Variants in TP63 observed in about 807,000 individuals in gnomAD.
TP63 encodes the protein tumor protein 63.
In TP63, 17 loss-of-function variants were observed where a neutral mutation model predicts 82.8. The observed-to-expected ratio is 0.21, with a 90% confidence interval of 0.14 to 0.31. TP63 has a LOEUF of 0.31. TP63 is among the 10% of genes least tolerant of loss of function. TP63 has a pLI of 1.00. For synonymous variants in TP63, 330 were observed against 321.7 expected, an observed-to-expected ratio of 1.03 and a Z score of -0.28; for missense variants, 648 against 895.3, an observed-to-expected ratio of 0.72 and a Z score of 3.52.
chr3:189,894,707 A>C lies in TP63; in HGVS notation c.*205A>C. 1.6e-6 allele frequency: 1 copy of C among 643,064 alleles called. No individual in the cohort carries two copies. Among genetic ancestry groups the C allele is most frequent in the Non-Finnish European group, 2.6e-6 (1 of 380,218 alleles). 39.8% of individuals were successfully genotyped at this position (643,064 alleles called of 1,614,324 possible). A position where few individuals can be genotyped will look rare whatever the true frequency, so the allele number is the denominator to read the frequency against. On this transcript the variant is annotated 3_prime_UTR_variant, in exon 14 of 14. Coordinates refer to ENST00000264731, the MANE Select transcript of TP63 (RefSeq NM_003722.5). ...TCTGGCTTTAAGCCTTCAAAACTAT[A>C]GCTTGCAGAACTGTAGCTGCCATGG...
intron 1 of TP63, among the ~76,000 whole-genome samples, chr3:189,678,984 A>G (rs1167205718): frequency 6.6e-6 from 1 of 151,984 alleles, no homozygotes; most frequent in Non-Finnish European, 1.5e-5. Context: ...AAAGACCCCA[A>G]ATTTACTGAA....
At chr3:189,717,931 C>T (rs1577295592) in intron 1 of TP63, among the ~76,000 whole-genome samples, 2 of 152,224 alleles carry the variant, frequency 1.3e-5, no homozygotes, top group African/African-American at 2.4e-5. Flanking sequence ...AATGAGAAAC[C>T]TTGCTATATA....
chr3:189,788,833 C>T (rs991645486), intron 3 of TP63, among the ~76,000 whole-genome samples: 5 of 151,130 alleles, frequency 3.3e-5, no homozygotes, highest in Non-Finnish European at 5.9e-5. Context: ...AGATGCATCA[C>T]GTGCAGTAAT....
In TP63 at chr3:189,870,537, G is replaced by C. The variant is rs1275905138; in HGVS notation, c.1212+1131G>C. 2.6e-5 allele frequency among the ~76,000 whole-genome samples: 4 copies of C among 152,214 alleles called. No homozygotes were observed. In the South Asian group the frequency reaches 6.2e-4, roughly 24 times the overall value. On this transcript the variant is annotated intron_variant, in intron 9 of 13. Coordinates refer to ENST00000264731, the MANE Select transcript of TP63 (RefSeq NM_003722.5). ...ATTTTAGTATCCATGGGGGCCAGATGGGGGTGGGTAGTCCTGGAATCAATG... is the reference window on the plus strand; with the variant it reads ...ATTTTAGTATCCATGGGGGCCAGATCGGGGTGGGTAGTCCTGGAATCAATG...
At chr3:189,617,266 A>T in the TP63 span, among the ~76,000 whole-genome samples, 1 of 152,248 alleles carries the variant, frequency 6.6e-6, no homozygotes, top group African/African-American at 2.4e-5. Flanking sequence ...TTGACCAAGC[A>T]GCCCAGTTAT....
At chr3:189,892,954 G>A (rs1441990644) in intron 13 of TP63, among the ~76,000 whole-genome samples, 2 of 152,030 alleles carry the variant, frequency 1.3e-5, no homozygotes, top group Non-Finnish European at 2.9e-5. Context: ...GAGAAATGTT[G>A]GGAAGCTGTG....
At chr3:189,789,779 A>G in intron 3 of TP63, 2 of 1,589,130 alleles carry the variant, frequency 1.3e-6, no homozygotes, top group Non-Finnish European at 1.7e-6. Context: ...GGACAGCAGC[A>G]TTGATCAATC....
intron 3 of TP63, among the ~76,000 whole-genome samples, chr3:189,770,300 C>A (rs946235021): frequency 6.6e-6 from 1 of 152,020 alleles, no homozygotes; most frequent in Admixed American, 6.6e-5. Flanking sequence ...TATTTTGGGC[C>A]GGGTATGGTG....
At chr3:189,732,884 A>G (rs547111320) in intron 1 of TP63, among the ~76,000 whole-genome samples, 15 of 152,370 alleles carry the variant, frequency 9.8e-5, no homozygotes, top group African/African-American at 2.9e-4. Flanking sequence ...AGGACAGAGT[A>G]GCATTGATGA....
intron 10 of TP63, 87 bp downstream of exon 10, chr3:189,873,082 GAAC>G: frequency 6.3e-7 from 1 of 1,592,448 alleles, no homozygotes; most frequent in South Asian, 1.1e-5. Flanking sequence ...GAGCAATGTG[GAAC>G]ATAATGGGAG....
At position 189,736,247 on chromosome 3, in the gene TP63, T is replaced by C. The variant is rs759613654; in HGVS notation, c.63-1493T>C. Among the ~76,000 whole-genome samples, 4 of 151,668 alleles carry C rather than the reference T, an allele frequency of 2.6e-5. No individual in the cohort carries two copies. The South Asian group carries it at 8.3e-4, about 32-fold the overall frequency. Reference sequence around the variant, plus strand: ...CTCACCATAAGTACAGACATAGGCTTTTTAAAAACATAGCATATAAGTTTC... The same window carrying C: ...CTCACCATAAGTACAGACATAGGCTCTTTAAAAACATAGCATATAAGTTTC... On this transcript the variant is annotated intron_variant, in intron 1 of 13. Transcript: ENST00000264731.
chr3:189,761,850 CA>C (rs1722602384), intron 3 of TP63, among the ~76,000 whole-genome samples: 1 of 152,188 alleles, frequency 6.6e-6, no homozygotes. Flanking sequence ...CAAGGAGGAG[CA>C]AGTCACATCT....
chr3:189,774,069 T>A (rs1052459905), intron 3 of TP63, among the ~76,000 whole-genome samples: 1 of 151,640 alleles, frequency 6.6e-6, no homozygotes, highest in Non-Finnish European at 1.5e-5. Context: ...ACTACAGGTA[T>A]CCACCACCAC....
chr3:189,760,296 T>A (rs1722473598), intron 3 of TP63, among the ~76,000 whole-genome samples: 1 of 152,218 alleles, frequency 6.6e-6, no homozygotes, highest in Non-Finnish European at 1.5e-5. Context: ...GGCAAGTCCC[T>A]TCTGCCTATG....
At chr3:189,881,950 A>T (rs1719956783) in intron 10 of TP63, among the ~76,000 whole-genome samples, 1 of 144,920 alleles carries the variant, frequency 6.9e-6, no homozygotes. Flanking sequence ...CTATTGTCCA[A>T]TTTTTTTTTT....
chr3:189,881,201 T>G, intron 10 of TP63: 1 of 985,352 alleles, frequency 1.0e-6, no homozygotes, highest in Admixed American at 6.1e-5. Flanking sequence ...GTAAGTGAGA[T>G]CCAAGCAGAC....
the TP63 span, among the ~76,000 whole-genome samples, chr3:189,606,426 A>G: frequency 4.6e-5 from 7 of 152,078 alleles, no homozygotes; most frequent in Non-Finnish European, 1.0e-4. Context: ...CTAGGCCTAC[A>G]TAAATTTCAA....
intron 4 of TP63, among the ~76,000 whole-genome samples, chr3:189,838,318 A>C (rs1577071348): frequency 6.6e-6 from 1 of 151,928 alleles, no homozygotes; most frequent in Non-Finnish European, 1.5e-5. Flanking sequence ...GTTTGTTTTT[A>C]TTATTTTTCT....
At position 189,886,408 on chromosome 3, in the gene TP63, C is replaced by T. The variant is rs1490266183; in HGVS notation, c.1364C>T (p.Ser455Phe). ...TGTCTTCCTAGGACCTCAATACAGT[C>T]TCCATCTTCATATGGTAACAGCTCC... is the stretch of plus-strand genomic sequence containing the variant. ...HLLQKQTSIQ[S>F]PSSYGNSSPP... is the part of the protein sequence containing the mutation. The change falls in exon 11 of 14, where the codon TCT becomes TTT. Residue 455 changes from serine (S) to phenylalanine (F), a missense_variant. Ser to Phe is a radical substitution (Grantham distance 155). This residue lies in a region of TP63 where 342 missense variants were observed against 425.7 expected (regional missense o/e 0.80). Coordinates refer to ENST00000264731, the MANE Select transcript of TP63 (RefSeq NM_003722.5). 6.2e-7 allele frequency: 1 copy of T among 1,614,122 alleles called. No individual in the cohort carries two copies. The highest frequency in any genetic ancestry group is 1.1e-5 in the South Asian group (1 of 91,058).
Sources: allele counts gnomAD v4.1 joint callset (sites outside exome capture counted in the v4.1 genomes callset), GRCh38; gene constraint gnomAD v4.1.1; regional missense constraint gnomAD v4.1.1; transcripts MANE v1.5; gene names NCBI Gene and HGNC (gene_info 2026-07-23, HGNC 2026-07-21).